The following EYS variants were observed in gnomAD, a reference collection of about 807,000 sequenced individuals.
EYS encodes the protein protein eyes shut homolog.
Under a neutral mutation model 282.1 loss-of-function variants are expected in EYS, and 250 were observed. The observed-to-expected ratio is 0.89, with a 90% CI of 0.80 to 0.98. The LOEUF (loss-of-function observed/expected upper bound fraction) is 0.98, where lower values mean the gene tolerates loss of function less well. EYS is among the 50% of genes least tolerant of loss of function. The pLI, the probability that EYS is intolerant of heterozygous loss-of-function variation, is 0.00. For missense variants in EYS, 4,016 were observed against 3,709.0 expected (o/e 1.08, Z -2.15); for synonymous variants, 1,355 against 1,282.9 (o/e 1.06, Z -1.20).
At chr6:64,114,595 G>A (rs1773314168) in intron 31 of EYS, among the ~76,000 whole-genome samples, 1 of 152,194 alleles carries the variant, frequency 6.6e-6, no homozygotes, top group Non-Finnish European at 1.5e-5. Flanking sequence ...ATGAAGATAA[G>A]GGAAAGGGGC....
At chr6:64,112,337 T>G (rs1027335243) in intron 31 of EYS, among the ~76,000 whole-genome samples, 12 of 152,044 alleles carry the variant, frequency 7.9e-5, no homozygotes, top group Admixed American at 7.9e-4. Flanking sequence ...GAAGTTTAAT[T>G]GATTTTTCCC....
chr6:65,621,902 A>G (rs977927957), intron 2 of EYS, among the ~76,000 whole-genome samples: 1 of 152,182 alleles, frequency 6.6e-6, no homozygotes, highest in African/African-American at 2.4e-5. Flanking sequence ...TAAGTGAGTT[A>G]ATTAACAGGT....
intron 12 of EYS, among the ~76,000 whole-genome samples, chr6:65,272,423 C>T (rs1302731134): frequency 6.6e-6 from 1 of 152,126 alleles, no homozygotes; most frequent in Non-Finnish European, 1.5e-5. Flanking sequence ...TAAGAGTTAA[C>T]AGCTCACTAA....
intron 33 of EYS, among the ~76,000 whole-genome samples, chr6:64,014,589 G>A (rs951547720): frequency 6.6e-6 from 1 of 152,058 alleles, no homozygotes; most frequent in African/African-American, 2.4e-5. Context: ...GACTAGAGAT[G>A]TAAAACATTT....
Position 65,266,939 on chromosome 6 carries a change from GATAT to G in EYS, c.2023+28920_2023+28923del, listed in dbSNP as rs10571040. Among the ~76,000 whole-genome samples, 120 of 140,034 alleles carry G rather than the reference GATAT, an allele frequency of 8.6e-4. 3 individuals carry two copies. Among genetic ancestry groups the G allele is most frequent in the Non-Finnish European group, 1.5e-3 (98 of 64,214 alleles). 91.9% of individuals were successfully genotyped at this position (140,034 alleles called of 152,430 possible). The stretch of plus-strand genomic sequence containing the variant: ...TGAGACATATATATACACAAACATT[GATAT>G]ATATATATATATGCACACACACACA... On this transcript the variant is annotated intron_variant, in intron 12 of 42. Coordinates refer to ENST00000503581, the MANE Select transcript of EYS (RefSeq NM_001142800.2).
At chr6:64,696,899 T>C (rs959495849) in intron 22 of EYS, among the ~76,000 whole-genome samples, 2 of 152,038 alleles carry the variant, frequency 1.3e-5, no homozygotes, top group Non-Finnish European at 2.9e-5. Context: ...CACAAAATTA[T>C]AAAACTTACA....
chr6:64,143,826 T>C (rs541735846), intron 31 of EYS, among the ~76,000 whole-genome samples: 1 of 152,354 alleles, frequency 6.6e-6, no homozygotes, highest in East Asian at 1.9e-4. Flanking sequence ...TAGTCAATTA[T>C]TCTTAATTAA....
intron 26 of EYS, among the ~76,000 whole-genome samples, chr6:64,444,933 C>T (rs1439528525): frequency 1.3e-5 from 2 of 152,190 alleles, no homozygotes; most frequent in Non-Finnish European, 2.9e-5. Flanking sequence ...TTTCTGAGGG[C>T]CTCACCAGAA....
intron 11 of EYS, chr6:65,303,300 T>TG: frequency 1.3e-6 from 1 of 795,016 alleles, no homozygotes; most frequent in Non-Finnish European, 2.2e-6. Context: ...GTCAGGACTG[T>TG]GGTGAGGACA....
At chr6:65,417,206 A>G (rs1767273579) in intron 5 of EYS, among the ~76,000 whole-genome samples, 1 of 152,028 alleles carries the variant, frequency 6.6e-6, no homozygotes, top group Non-Finnish European at 1.5e-5. Flanking sequence ...ACAAAAATTC[A>G]CACAAATAAA....
At chr6:65,150,426 A>T (rs1315955948) in intron 12 of EYS, among the ~76,000 whole-genome samples, 1 of 151,944 alleles carries the variant, frequency 6.6e-6, no homozygotes, top group Non-Finnish European at 1.5e-5. Context: ...GCCCAATTAC[A>T]TCCACACTAA....
At chr6:63,899,698 T>C (rs1411994209) in intron 35 of EYS, among the ~76,000 whole-genome samples, 1 of 152,176 alleles carries the variant, frequency 6.6e-6, no homozygotes, top group African/African-American at 2.4e-5. Flanking sequence ...TTCTTTCTCA[T>C]AGCACTGAGC....
In EYS at chr6:65,402,587, A is replaced by C; in HGVS notation, c.1075T>G (p.Ser359Ala). The C allele has an allele frequency of 3.2e-6, 5 of 1,577,068 alleles. No homozygotes were observed. Among genetic ancestry groups the C allele is most frequent in the Non-Finnish European group, 4.4e-6 (5 of 1,147,392 alleles). The change falls in exon 7 of 43, where the codon TCA (serine) becomes GCA (alanine). Residue 359 changes from serine to alanine, a missense_variant. Ser to Ala is a moderately conservative substitution (Grantham distance 99). Transcript: ENST00000503581. ...CAAAGCAAATCTGTAAATATTGGTG[A>C]ACAGATGCACATAACATCCTAGGAA... Reference protein sequence around the residue: ...KISNDVMCICSPIFTDLLCKS... With the variant: ...KISNDVMCICAPIFTDLLCKS...
chr6:65,100,191 T>A (rs188538500), intron 12 of EYS, among the ~76,000 whole-genome samples: 34 of 150,874 alleles, frequency 2.3e-4, no homozygotes, highest in African/African-American at 7.7e-4. Context: ...AATAATATTA[T>A]AACAGCATTC....
At chr6:65,315,366 T>A (rs1769270811) in intron 11 of EYS, among the ~76,000 whole-genome samples, 2 of 152,220 alleles carry the variant, frequency 1.3e-5, no homozygotes, top group Admixed American at 1.3e-4. Context: ...TGTCCTTGGA[T>A]GAACATTGCT....
At chr6:64,617,602 T>A in intron 23 of EYS, 69 bp from the exon 24 acceptor site, 1 of 839,788 alleles carries the variant, frequency 1.2e-6, no homozygotes, top group Non-Finnish European at 1.9e-6. Context: ...GCTAATAGCC[T>A]ATATTTATTG....
intron 2 of EYS, among the ~76,000 whole-genome samples, chr6:65,542,074 G>A (rs1023312854): frequency 3.9e-5 from 6 of 152,060 alleles, no homozygotes; most frequent in South Asian, 4.1e-4. Flanking sequence ...GGAATTGACT[G>A]CACACTTTGC....
At chr6:65,361,909 G>T (rs2150334427) in intron 8 of EYS, among the ~76,000 whole-genome samples, 1 of 152,186 alleles carries the variant, frequency 6.6e-6, no homozygotes, top group South Asian at 2.1e-4. Flanking sequence ...TGAAGAAATT[G>T]AGCAAATACT....
intron 35 of EYS, among the ~76,000 whole-genome samples, chr6:63,878,673 A>G (rs970497336): frequency 5.3e-5 from 8 of 152,144 alleles, no homozygotes; most frequent in Non-Finnish European, 1.2e-4. Flanking sequence ...AGCCTCCGCC[A>G]TGGCAGACGC....
Sources: gnomAD v4.1 joint callset for allele counts (sites outside exome capture counted in the v4.1 genomes callset) on GRCh38, gnomAD v4.1.1 for gene constraint, MANE v1.5 for transcripts, NCBI Gene and HGNC (gene_info 2026-07-23, HGNC 2026-07-21) for gene names.